XIRP2: variants seen among roughly 807,000 people sequenced by gnomAD.
The protein encoded by XIRP2 is xin actin-binding repeat-containing protein 2.
A neutral mutation model predicts 277.0 loss-of-function variants in XIRP2; 236 were observed. The observed-to-expected ratio is 0.85, with a 90% CI of 0.77 to 0.95. XIRP2 has a LOEUF of 0.95. Among genes scored for constraint, XIRP2 ranks in the 40% least tolerant of loss-of-function variants. XIRP2 has a pLI of 0.00. For missense variants in XIRP2, 4,640 were observed against 4,157.5 expected, an observed-to-expected ratio of 1.12 and a Z score of -3.19; for synonymous variants, 1,490 against 1,416.5, an observed-to-expected ratio of 1.05 and a Z score of -1.17.
At chr2:167,129,755 A>G (rs1691320311) in intron 2 of XIRP2, among the ~76,000 whole-genome samples, 2 of 151,742 alleles carry the variant, frequency 1.3e-5, no homozygotes, top group South Asian at 4.1e-4. Context: ...CTGTAATCCC[A>G]GCTACTCAGG....
At chr2:166,986,233 T>C (rs1687001143) in intron 2 of XIRP2, among the ~76,000 whole-genome samples, 1 of 152,202 alleles carries the variant, frequency 6.6e-6, no homozygotes, top group African/African-American at 2.4e-5. Flanking sequence ...TGGAACATTC[T>C]AATAGACCCT....
chr2:167,255,964 G>T (rs1695643384), intron 10 of XIRP2, among the ~76,000 whole-genome samples: 1 of 151,522 alleles, frequency 6.6e-6, no homozygotes, highest in Admixed American at 6.6e-5. Context: ...ATAAAGTGTT[G>T]GAATAGCTTG....
chr2:167,081,956 A>T (rs6721586), intron 2 of XIRP2, among the ~76,000 whole-genome samples: 128,023 of 148,672 alleles, frequency 0.86, 56,292 homozygotes, highest in Non-Finnish European at 0.96. Context: ...CTTTTTTTTT[A>T]TTATTATACT....
chr2:167,029,437 G>C (rs914971666), intron 2 of XIRP2, among the ~76,000 whole-genome samples: 1 of 151,980 alleles, frequency 6.6e-6, no homozygotes, highest in Non-Finnish European at 1.5e-5. Flanking sequence ...TTTATCGAAC[G>C]CCTTTTCTGC....
Position 166,966,244 on chromosome 2 carries a change from G to A in XIRP2, c.408+62354G>A, listed in dbSNP as rs183047135. Among the ~76,000 whole-genome samples, 329 of 151,684 alleles carry A rather than the reference G, an allele frequency of 2.2e-3. 6 individuals carry two copies. Among genetic ancestry groups the A allele is most frequent in the Non-Finnish European group, 6.2e-4 (42 of 67,832 alleles). On this transcript the variant is annotated intron_variant, in intron 2 of 10. Coordinates refer to ENST00000409195, the MANE Select transcript of XIRP2 (RefSeq NM_152381.6). ...TTTGCATTCTCAATATATTTTTCACGTAATAATTTGATCTAGAAAACTTGA... is the reference window on the plus strand; with the variant it reads ...TTTGCATTCTCAATATATTTTTCACATAATAATTTGATCTAGAAAACTTGA...
At chr2:167,155,686 C>T (rs1256046361) in intron 3 of XIRP2, among the ~76,000 whole-genome samples, 1 of 151,840 alleles carries the variant, frequency 6.6e-6, no homozygotes, top group Non-Finnish European at 1.5e-5. Flanking sequence ...AAAACTGGCA[C>T]AAGACAGGGA....
chr2:166,903,434 A>G (rs1047251148), intron 1 of XIRP2, 31 bp from the exon 2 acceptor site: 1 of 1,565,498 alleles, frequency 6.4e-7, no homozygotes, highest in Non-Finnish European at 8.7e-7. Context: ...TCCTGAGTGT[A>G]TCACTGATAA....
chr2:167,220,360 T>G (rs1694384467), intron 5 of XIRP2, among the ~76,000 whole-genome samples: 1 of 152,292 alleles, frequency 6.6e-6, no homozygotes, highest in South Asian at 2.1e-4. Flanking sequence ...AACATCTTTG[T>G]CTCTCAGTTT....
intron 4 of XIRP2, among the ~76,000 whole-genome samples, chr2:167,217,662 AT>A (rs1322303278): frequency 6.6e-6 from 1 of 152,180 alleles, no homozygotes; most frequent in African/African-American, 2.4e-5. Context: ...CATTATTCAT[AT>A]TAATATTTTT....
intron 2 of XIRP2, among the ~76,000 whole-genome samples, chr2:167,030,760 A>ATC (rs1688322364): frequency 6.6e-6 from 1 of 151,178 alleles, no homozygotes; most frequent in Admixed American, 6.6e-5. Flanking sequence ...AGTCCTGAAT[A>ATC]CGGTGATCTG....
intron 2 of XIRP2, among the ~76,000 whole-genome samples, chr2:166,944,440 T>C (rs1171929795): frequency 1.3e-5 from 2 of 152,216 alleles, no homozygotes; most frequent in African/African-American, 4.8e-5. Flanking sequence ...GCCAGTACCA[T>C]AGGCATTGTG....
intron 5 of XIRP2, among the ~76,000 whole-genome samples, chr2:167,224,827 T>C (rs1176014224): frequency 6.6e-6 from 1 of 152,170 alleles, no homozygotes; most frequent in Non-Finnish European, 1.5e-5. Context: ...AGGATTATCA[T>C]GTTCTGTGCC....
At chr2:167,039,090 C>T (rs1304648035) in intron 2 of XIRP2, among the ~76,000 whole-genome samples, 1 of 151,934 alleles carries the variant, frequency 6.6e-6, no homozygotes, top group Non-Finnish European at 1.5e-5. Context: ...TTGATTTGAT[C>T]TTAACAAAAA....
intron 3 of XIRP2, among the ~76,000 whole-genome samples, chr2:167,149,290 C>T (rs1691946012): frequency 6.6e-6 from 1 of 152,136 alleles, no homozygotes; most frequent in Non-Finnish European, 1.5e-5. Context: ...TAAATGCTTT[C>T]TGGAAGCACA....
At chr2:166,942,855 C>A (rs1685756874) in intron 2 of XIRP2, among the ~76,000 whole-genome samples, 2 of 151,884 alleles carry the variant, frequency 1.3e-5, no homozygotes, top group Admixed American at 6.6e-5. Context: ...AAATTGCTGC[C>A]ATAAGTGTTA....
intron 2 of XIRP2, among the ~76,000 whole-genome samples, chr2:166,916,024 C>G (rs1479944085): frequency 6.6e-6 from 1 of 152,064 alleles, no homozygotes; most frequent in Non-Finnish European, 1.5e-5. Flanking sequence ...GCTAAGGGAC[C>G]ATGAACCTAC....
At chr2:167,061,522 TTG>T (rs1017372989) in intron 2 of XIRP2, among the ~76,000 whole-genome samples, 1 of 152,124 alleles carries the variant, frequency 6.6e-6, no homozygotes, top group African/African-American at 2.4e-5. Flanking sequence ...GTAGATTGAA[TTG>T]TGTCTTCTAA....
intron 2 of XIRP2, among the ~76,000 whole-genome samples, chr2:166,975,769 CA>C (rs1205779058): frequency 1.3e-5 from 2 of 150,966 alleles, no homozygotes; most frequent in South Asian, 2.1e-4. Context: ...ACTAAAAATG[CA>C]AAAAAATTAG....
intron 2 of XIRP2, among the ~76,000 whole-genome samples, chr2:166,919,425 T>C (rs1684979273): frequency 1.3e-5 from 2 of 152,204 alleles, no homozygotes; most frequent in Non-Finnish European, 2.9e-5. Context: ...CAAATTACTC[T>C]AAGGCATGGT....
Sources: gnomAD v4.1 joint callset for allele counts (sites outside exome capture counted in the v4.1 genomes callset) on GRCh38, gnomAD v4.1.1 for gene constraint, MANE v1.5 for transcripts, NCBI Gene and HGNC (gene_info 2026-07-23, HGNC 2026-07-21) for gene names.